Variants in WDR11 observed in about 807,000 individuals in gnomAD.
WDR11 encodes the protein WD repeat domain 11.
WDR11 carries 83 observed loss-of-function variants against 151.2 expected under a neutral mutation model. That is an observed-to-expected ratio of 0.55 (90% CI 0.46 to 0.66). The LOEUF is 0.66. WDR11 is among the 30% of genes least tolerant of loss of function. WDR11 has a pLI of 0.00. For missense variants in WDR11, 1,301 were observed against 1,480.9 expected (o/e 0.88, Z 1.99); for synonymous variants, 484 against 533.1 (o/e 0.91, Z 1.27).
At chr10:120,902,428 G>A (rs1847864387) in intron 22 of WDR11, 106 bp downstream of exon 22, 2 of 916,024 alleles carry the variant, frequency 2.2e-6, no homozygotes, top group Non-Finnish European at 3.5e-6. Context: ...AAATGTATCA[G>A]TTCATCCTTT....
chr10:120,902,905 TG>T (rs776618939), intron 22 of WDR11, 149 bp from the exon 23 acceptor site: 4 of 807,864 alleles, frequency 5.0e-6, no homozygotes, highest in Non-Finnish European at 8.3e-6. Context: ...CAGGAGAACT[TG>T]CTGCCTCCCC....
At chr10:120,871,945 A>G (rs1190194075) in intron 10 of WDR11, among the ~76,000 whole-genome samples, 3 of 152,214 alleles carry the variant, frequency 2.0e-5, no homozygotes, top group Non-Finnish European at 4.4e-5. Flanking sequence ...TCTTTACAGC[A>G]TAGAGAAAAA....
chr10:120,900,265 GAC>G (rs1847766029), intron 20 of WDR11, 128 bp downstream of exon 20: 3 of 844,080 alleles, frequency 3.6e-6, no homozygotes, highest in African/African-American at 1.7e-5. Flanking sequence ...AGAAGGCAGA[GAC>G]ACTACAGAAT....
At chr10:120,857,079 C>CATATATATAT (rs138746996) in intron 2 of WDR11, among the ~76,000 whole-genome samples, 1 of 151,228 alleles carries the variant, frequency 6.6e-6, no homozygotes, top group African/African-American at 2.4e-5. Context: ...AAGATTATCA[C>CATATATATAT]ATATATATAT....
intron 11 of WDR11, among the ~76,000 whole-genome samples, chr10:120,878,038 G>C (rs1846860664): frequency 6.6e-6 from 1 of 152,126 alleles, no homozygotes; most frequent in Non-Finnish European, 1.5e-5. Flanking sequence ...TGTCTGGTAG[G>C]CTGAAACTAC....
chr10:120,863,775 T>C (rs1367552290), intron 5 of WDR11, among the ~76,000 whole-genome samples: 1 of 152,122 alleles, frequency 6.6e-6, no homozygotes, highest in Non-Finnish European at 1.5e-5. Flanking sequence ...AAATATGTGG[T>C]AAAAATATAA....
At chr10:120,857,705 T>C (rs540614225) in intron 2 of WDR11, among the ~76,000 whole-genome samples, 58 of 152,174 alleles carry the variant, frequency 3.8e-4, no homozygotes, top group Non-Finnish European at 6.3e-4. Flanking sequence ...TATATATGAG[T>C]GTATTTATAT....
At chr10:120,906,617 C>T in intron 27 of WDR11, 159 bp from the exon 28 acceptor site, 1 of 1,500,986 alleles carries the variant, frequency 6.7e-7, no homozygotes, top group Non-Finnish European at 8.9e-7. Flanking sequence ...ATTCTTCCCT[C>T]CTTTTTTCAA....
intron 11 of WDR11, 133 bp from the exon 12 acceptor site, chr10:120,878,220 A>G: frequency 1.5e-6 from 1 of 682,888 alleles, no homozygotes; most frequent in Non-Finnish European, 2.5e-6. Flanking sequence ...ATGTTAAGAT[A>G]AAAGGTCATG....
At chr10:120,904,860 GT>G in intron 25 of WDR11, 49 bp downstream of exon 25, 1 of 1,606,154 alleles carries the variant, frequency 6.2e-7, no homozygotes, top group African/African-American at 1.3e-5. Flanking sequence ...ATGAGACCTT[GT>G]TCCCAGCAAA....
chr10:120,863,190 A>G (rs1364665085), intron 5 of WDR11, among the ~76,000 whole-genome samples: 2 of 152,226 alleles, frequency 1.3e-5, no homozygotes, highest in African/African-American at 4.8e-5. Flanking sequence ...TTACTTGTGA[A>G]AATCGCAATG....
At chr10:120,878,211 T>C in intron 11 of WDR11, 142 bp from the exon 12 acceptor site, 1 of 644,374 alleles carries the variant, frequency 1.6e-6, no homozygotes, top group Non-Finnish European at 2.7e-6. Context: ...TAAAAGGTCA[T>C]GTTAAGATAA....
intron 19 of WDR11, among the ~76,000 whole-genome samples, chr10:120,897,669 CA>C (rs1451950827): frequency 1.3e-5 from 2 of 151,996 alleles, no homozygotes; most frequent in African/African-American, 4.8e-5. Context: ...CAGGACTCTT[CA>C]AAAATGAAAA....
At chr10:120,900,857 A>C (rs1847788613) in intron 20 of WDR11, among the ~76,000 whole-genome samples, 179 bp from the exon 21 acceptor site, 1 of 152,246 alleles carries the variant, frequency 6.6e-6, no homozygotes, top group East Asian at 1.9e-4. Context: ...ATAAAAGCAG[A>C]TATTAAAGTT....
chr10:120,871,646 C>T (rs1846547882), intron 10 of WDR11, among the ~76,000 whole-genome samples: 1 of 152,172 alleles, frequency 6.6e-6, no homozygotes, highest in South Asian at 2.1e-4. Context: ...AGTGCTGAAT[C>T]CCAGGCTCCT....
intron 19 of WDR11, among the ~76,000 whole-genome samples, chr10:120,892,945 C>T (rs1007600284): frequency 6.6e-6 from 1 of 151,644 alleles, no homozygotes; most frequent in African/African-American, 2.4e-5. Flanking sequence ...GTTTCCACAC[C>T]CTTTAAATAG....
intron 19 of WDR11, among the ~76,000 whole-genome samples, chr10:120,898,811 T>C (rs1055449462): frequency 2.7e-5 from 4 of 148,766 alleles, no homozygotes; most frequent in African/African-American, 1.0e-4. Context: ...GTTGAGTCAA[T>C]TAAACCTCTT....
At position 120,851,406 on chromosome 10, in the gene WDR11, G is replaced by T; in HGVS notation, c.-15G>T. The T allele has an allele frequency of 6.2e-7, 1 of 1,605,254 alleles. No homozygotes were observed. The stretch of plus-strand genomic sequence containing the variant: ...GGTTGCGGGTCAGCGCCCAGGTCCT[G>T]GGCTGGCCGCCGGGATGTTGCCCTA... On this transcript the variant is annotated 5_prime_UTR_variant, in exon 1 of 29. Transcript: ENST00000263461.
chr10:120,859,985 T>G (rs77021252), intron 3 of WDR11, 124 bp from the exon 4 acceptor site: 16 of 1,029,210 alleles, frequency 1.6e-5, no homozygotes, highest in South Asian at 2.7e-5. Flanking sequence ...ACACGTCACA[T>G]TTGGGGCTGG....
Sources: allele counts gnomAD v4.1 joint callset (sites outside exome capture counted in the v4.1 genomes callset), GRCh38; gene constraint gnomAD v4.1.1; transcripts MANE v1.5; gene names NCBI Gene and HGNC (gene_info 2026-07-23, HGNC 2026-07-21).